Variants in TP73 observed in about 807,000 individuals in gnomAD.
The protein encoded by TP73 is p53-like transcription factor.
In TP73, 25 loss-of-function variants were observed where a neutral mutation model predicts 62.5. The ratio of observed to expected loss-of-function variants is 0.40; its 90% CI spans 0.29 to 0.56. The LOEUF (loss-of-function observed/expected upper bound fraction) is 0.56, where lower values mean the gene tolerates loss of function less well. TP73 is among the 20% of genes least tolerant of loss of function. The pLI, the probability that TP73 is intolerant of heterozygous loss-of-function variation, is 0.46. For synonymous variants in TP73, 423 were observed against 377.5 expected, an observed-to-expected ratio of 1.12 and a Z score of -1.40; for missense variants, 754 against 913.3, an observed-to-expected ratio of 0.83 and a Z score of 2.25.
chr1:3,685,644 G>A (rs1034416199), intron 3 of TP73, among the ~76,000 whole-genome samples: 24 of 152,376 alleles, frequency 1.6e-4, no homozygotes, highest in South Asian at 6.2e-4. Flanking sequence ...GGGCGCCAAC[G>A]GGTGGGCTCG....
chr1:3,681,152 A>G (rs1412294911), intron 1 of TP73, among the ~76,000 whole-genome samples: 1 of 152,158 alleles, frequency 6.6e-6, no homozygotes, highest in African/African-American at 2.4e-5. Context: ...ACAGGCTTCT[A>G]TCAGCTCCCG....
intron 3 of TP73, among the ~76,000 whole-genome samples, chr1:3,693,539 C>T (rs1160987099): frequency 6.6e-6 from 1 of 152,172 alleles, no homozygotes; most frequent in Non-Finnish European, 1.5e-5. Context: ...AGTGACGCCG[C>T]TCTCTGAGCC....
At chr1:3,705,108 C>G (rs970228401) in intron 3 of TP73, among the ~76,000 whole-genome samples, 1 of 152,242 alleles carries the variant, frequency 6.6e-6, no homozygotes, top group East Asian at 1.9e-4. Flanking sequence ...GTGATCTTGG[C>G]TCTCTGCCGT....
At chr1:3,698,792 TGGA>T (rs562506619) in intron 3 of TP73, among the ~76,000 whole-genome samples, 2 of 152,116 alleles carry the variant, frequency 1.3e-5, no homozygotes, top group Non-Finnish European at 2.9e-5. Context: ...CCTGGGCGTG[TGGA>T]GGGACATGCA....
At chr1:3,683,275 C>A in intron 3 of TP73, 95 bp downstream of exon 3, 1 of 1,443,390 alleles carries the variant, frequency 6.9e-7, no homozygotes, top group Non-Finnish European at 9.3e-7. Context: ...CAGGAGATAG[C>A]CTCTTGGTTG....
rs1316787444 is a variant in TP73, at chr1:3,670,287, G to A, written c.-33-12046G>A. Among the ~76,000 whole-genome samples the A allele has an allele frequency of 6.6e-6, 1 of 152,180 alleles. No homozygotes were observed. The highest frequency in any genetic ancestry group is 1.5e-5 in the Non-Finnish European group (1 of 68,038). ...ATGGGCACAGGCTTCTGGAATGTGG[G>A]TGTCGTCTCCCTGGGGTCCCGCAGT... On this transcript the variant is annotated intron_variant, in intron 1 of 13. Coordinates refer to ENST00000378295, the MANE Select transcript of TP73 (RefSeq NM_005427.4). This position sits in a 1 kb window ranked among gnomAD's most constrained non-coding sequence, Gnocchi z 5.9.
In TP73 at chr1:3,701,976, C is replaced by T. The variant is rs1323794534; in HGVS notation, c.187-5573C>T. On this transcript the variant is annotated intron_variant, in intron 3 of 13. Coordinates refer to ENST00000378295, the MANE Select transcript of TP73 (RefSeq NM_005427.4). This position sits in a 1 kb window ranked among gnomAD's most constrained non-coding sequence, Gnocchi z 4.7. ...CCTGGGAGGTCTCTCCTGCCCCTCTCCTGGATGGGCAGAGAGGCCTGGTTT... is the reference window on the plus strand; with the variant it reads ...CCTGGGAGGTCTCTCCTGCCCCTCTTCTGGATGGGCAGAGAGGCCTGGTTT... Among the ~76,000 whole-genome samples, 2 of 152,186 alleles carry T rather than the reference C, an allele frequency of 1.3e-5. No individual in the cohort carries two copies. Among genetic ancestry groups the T allele is most frequent in the Non-Finnish European group, 2.9e-5 (2 of 68,028 alleles).
At chr1:3,688,018 C>T (rs143657486) in intron 3 of TP73, among the ~76,000 whole-genome samples, 2 of 152,156 alleles carry the variant, frequency 1.3e-5, no homozygotes, top group Non-Finnish European at 2.9e-5. Context: ...GGGCGCAGGT[C>T]CCGTGCATGT....
rs1269401455 is a variant in TP73 at position 3,672,295 on chromosome 1, AAG to A, written c.-33-10036_-33-10035del. 2.6e-5 allele frequency among the ~76,000 whole-genome samples: 4 copies of A among 152,086 alleles called. No homozygotes were observed. Among genetic ancestry groups the A allele is most frequent in the Non-Finnish European group, 4.4e-5 (3 of 67,998 alleles). ...GTGGAAGTGCTTCTCTGGGGAAAGA[AAG>A]AAGATTCTGGAGGACAGCACAGGCA... On this transcript the variant is annotated intron_variant, in intron 1 of 13. Transcript: ENST00000378295. This position sits in a 1 kb window ranked among gnomAD's most constrained non-coding sequence, Gnocchi z 5.3.
chr1:3,730,774 T>C (rs993177620), intron 11 of TP73, among the ~76,000 whole-genome samples, 153 bp from the exon 12 acceptor site: 1 of 152,178 alleles, frequency 6.6e-6, no homozygotes, highest in African/African-American at 2.4e-5. Flanking sequence ...CAGCCCTTGC[T>C]CAAGCCTCTA....
intron 4 of TP73, 54 bp from the exon 5 acceptor site, chr1:3,721,967 A>G (rs2124476998): frequency 6.5e-7 from 1 of 1,528,672 alleles, no homozygotes; most frequent in South Asian, 1.3e-5. Flanking sequence ...GGTGGCCTGG[A>G]CAGGGGTGCA....
chr1:3,719,845 G>T (rs1640912623), intron 4 of TP73, among the ~76,000 whole-genome samples: 1 of 151,734 alleles, frequency 6.6e-6, no homozygotes, highest in African/African-American at 2.4e-5. Context: ...CACAGGGGTG[G>T]GCTGCTAGCT....
intron 3 of TP73, among the ~76,000 whole-genome samples, chr1:3,689,523 C>A (rs1355663852): frequency 6.6e-6 from 1 of 152,060 alleles, no homozygotes. Context: ...CAGGGCGGGT[C>A]CCCAGGGCTC....
At position 3,733,856 on chromosome 1, in the gene TP73, C is replaced by T. The variant is rs1185384055; in HGVS notation, c.*777C>T. The T allele has an allele frequency of 1.3e-5, 2 of 151,948 alleles. No homozygotes were observed. The highest frequency in any genetic ancestry group is 3.9e-4 in the East Asian group (2 of 5,172). The allele number at this position is 151,948 out of a possible 1,614,324, so 9.4% of individuals were successfully genotyped here. On this transcript the variant is annotated 3_prime_UTR_variant, in exon 14 of 14. Transcript: ENST00000378295. ...CCTCAGCAGAAAGGGACAGCCTGTC[C>T]TTAGAGGACTGGAAATTGTCAATAT...
intron 3 of TP73, among the ~76,000 whole-genome samples, chr1:3,686,146 G>T (rs1270071596): frequency 6.6e-6 from 1 of 152,220 alleles, no homozygotes; most frequent in African/African-American, 2.4e-5. Flanking sequence ...CTCAGGGGCG[G>T]GTCTGGGACT....
rs1368139440 is a variant in TP73, at chr1:3,701,763, C to T, written c.187-5786C>T. ...ACCTCAGGTGATCCGCCTGCCTCGT[C>T]CTCCCAAATTGCTGGGATGACAGGC... On this transcript the variant is annotated intron_variant, in intron 3 of 13. Transcript: ENST00000378295. This position sits in a 1 kb window ranked among gnomAD's most constrained non-coding sequence, Gnocchi z 4.7. Among the ~76,000 whole-genome samples the T allele has an allele frequency of 3.3e-5, 5 of 152,234 alleles. No homozygotes were observed. The highest frequency in any genetic ancestry group is 1.2e-4 in the African/African-American group (5 of 41,464).
rs1645040364 is a variant in TP73 at position 3,663,443 on chromosome 1, T to C, written c.-34+10802T>C. 6.6e-6 allele frequency among the ~76,000 whole-genome samples: 1 copy of C among 152,084 alleles called. No individual in the cohort carries two copies. The highest frequency in any genetic ancestry group is 2.4e-5 in the African/African-American group (1 of 41,414). ...ATGAAAGGATACAGGCGGCTGGGCG[T>C]GGTGGCTCACGCCTGTAATCCCAGC... On this transcript the variant is annotated intron_variant, in intron 1 of 13. Transcript: ENST00000378295. This position sits in a 1 kb window ranked among gnomAD's most constrained non-coding sequence, Gnocchi z 4.7.
intron 3 of TP73, among the ~76,000 whole-genome samples, chr1:3,694,939 C>G (rs1169682265): frequency 1.3e-5 from 2 of 151,324 alleles, no homozygotes; most frequent in African/African-American, 4.9e-5. Flanking sequence ...CCTGCAGCCT[C>G]AGCCCCTCCT....
chr1:3,656,174 CAA>C (rs1364612534), intron 1 of TP73, among the ~76,000 whole-genome samples: 37 of 103,334 alleles, frequency 3.6e-4, no homozygotes, highest in African/African-American at 4.4e-4. Context: ...GACTACGTCT[CAA>C]AAAAAAAAAA....
Sources: allele counts gnomAD v4.1 joint callset (sites outside exome capture counted in the v4.1 genomes callset), GRCh38; gene constraint gnomAD v4.1.1; non-coding constraint Gnocchi (gnomAD v3.1); transcripts MANE v1.5; gene names NCBI Gene and HGNC (gene_info 2026-07-23, HGNC 2026-07-21).